UBR2: variants seen among roughly 807,000 people sequenced by gnomAD.
UBR2 encodes E3 ubiquitin-protein ligase UBR2.
Under a neutral mutation model 247.9 loss-of-function variants are expected in UBR2, and 92 were observed. That is an observed-to-expected ratio of 0.37 (90% CI 0.31 to 0.44). The LOEUF (loss-of-function observed/expected upper bound fraction) is 0.44, where lower values mean the gene tolerates loss of function less well. Ranked by LOEUF, UBR2 falls within the 20% of genes least tolerant of loss-of-function variation. The pLI is 1.00. For synonymous variants in UBR2, 672 were observed against 693.5 expected (o/e 0.97, Z 0.49); for missense variants, 1,613 against 2,112.6 (o/e 0.76, Z 4.64).
chr6:42,612,346 G>T (rs1794143149), intron 8 of UBR2, 55 bp downstream of exon 8: 2 of 1,405,740 alleles, frequency 1.4e-6, no homozygotes, highest in Non-Finnish European at 9.4e-7. Flanking sequence ...TCAATATGCT[G>T]TTGCAAAACT....
intron 13 of UBR2, 39 bp from the exon 14 acceptor site, chr6:42,635,379 T>G: frequency 6.3e-7 from 1 of 1,589,128 alleles, no homozygotes; most frequent in Non-Finnish European, 8.6e-7. Flanking sequence ...AGAACAACTA[T>G]TATTTTCATT....
chr6:42,590,960 A>G (rs1792621258), intron 2 of UBR2, among the ~76,000 whole-genome samples: 1 of 152,246 alleles, frequency 6.6e-6, no homozygotes, highest in Admixed American at 6.5e-5. Flanking sequence ...TGGAATAGAA[A>G]AGAGAATTAG....
intron 7 of UBR2, among the ~76,000 whole-genome samples, chr6:42,611,135 C>T (rs1241071536): frequency 1.4e-5 from 2 of 147,598 alleles, no homozygotes; most frequent in Non-Finnish European, 3.0e-5. Context: ...TGTGAGCTAC[C>T]GTGCCCAGCC....
chr6:42,625,939 A>T (rs933326281), intron 11 of UBR2, among the ~76,000 whole-genome samples: 1 of 150,218 alleles, frequency 6.7e-6, no homozygotes, highest in Non-Finnish European at 1.5e-5. Context: ...TCAGCCTCCC[A>T]AGTAGCTGGG....
At chr6:42,614,207 T>TAAAA (rs1794294318) in intron 8 of UBR2, among the ~76,000 whole-genome samples, 1 of 9,254 alleles carries the variant, frequency 1.1e-4, no homozygotes, top group Non-Finnish European at 2.3e-4. Flanking sequence ...AAAAAAAAAC[T>TAAAA]ATATATATAT....
At chr6:42,650,773 G>A (rs114811730) in intron 23 of UBR2, among the ~76,000 whole-genome samples, 3 of 152,084 alleles carry the variant, frequency 2.0e-5, no homozygotes, top group Non-Finnish European at 4.4e-5. Flanking sequence ...ATGTATATAC[G>A]ATCTATATAA....
intron 19 of UBR2, 24 bp downstream of exon 19, chr6:42,644,360 A>G (rs1796623537): frequency 1.2e-6 from 2 of 1,609,196 alleles, no homozygotes; most frequent in Non-Finnish European, 1.7e-6. Context: ...TTATGAAACC[A>G]CAACACATTG....
Position 42,688,327 on chromosome 6 carries a change from T to C in UBR2, c.4965T>C (p.Asp1655=). Residue 1655 remains aspartate (D), a synonymous_variant, in exon 45 of 47, where the codon GAT becomes GAC. Transcript: ENST00000372901. ...YCCQTELEGE[D]VGACTAHTYS... The stretch of plus-strand genomic sequence containing the variant: ...GCCAGACTGAACTGGAAGGGGAGGA[T>C]GTAGGAGCCTGCACAGCTCACACCT... The C allele has an allele frequency of 6.2e-7, 1 of 1,613,996 alleles. No homozygotes were observed. Among genetic ancestry groups the C allele is most frequent in the Non-Finnish European group, 8.5e-7 (1 of 1,180,032 alleles).
At chr6:42,632,434 A>G in intron 11 of UBR2, 118 bp from the exon 12 acceptor site, 2 of 845,170 alleles carry the variant, frequency 2.4e-6, no homozygotes, top group Admixed American at 3.4e-5. Flanking sequence ...TTTATGATAT[A>G]TAGTTGTGTT....
At chr6:42,662,949 C>CAAA (rs199701853) in intron 31 of UBR2, among the ~76,000 whole-genome samples, 5 of 148,754 alleles carry the variant, frequency 3.4e-5, no homozygotes, top group African/African-American at 1.2e-4. Context: ...ACAACAACAA[C>CAAA]AACAAAAAAA....
intron 22 of UBR2, among the ~76,000 whole-genome samples, chr6:42,648,913 G>A (rs1284816841): frequency 6.6e-6 from 1 of 151,938 alleles, no homozygotes; most frequent in Non-Finnish European, 1.5e-5. Flanking sequence ...TTAAATAATG[G>A]AATGTTTCCA....
At chr6:42,572,422 TGAC>T (rs1397963289) in intron 1 of UBR2, among the ~76,000 whole-genome samples, 1 of 152,020 alleles carries the variant, frequency 6.6e-6, no homozygotes, top group African/African-American at 2.4e-5. Context: ...GACCTTATGT[TGAC>T]TTCTTATGAT....
intron 42 of UBR2, among the ~76,000 whole-genome samples, chr6:42,681,888 T>TAC (rs1214405732): frequency 6.6e-6 from 1 of 152,172 alleles, no homozygotes; most frequent in Non-Finnish European, 1.5e-5. Context: ...ATGTGGTGTG[T>TAC]ACACACACAC....
rs139442765 is a variant in UBR2 at position 42,624,663 on chromosome 6, T to A, written c.1281+7156T>A. ...ATTTGGTGAGCAGAAAACTAGGGAGTAGGTGATGCTGATTGGTTGAGGAGA... is the reference window on the plus strand; with the variant it reads ...ATTTGGTGAGCAGAAAACTAGGGAGAAGGTGATGCTGATTGGTTGAGGAGA... On this transcript the variant is annotated intron_variant, in intron 11 of 46. Coordinates refer to ENST00000372901, the MANE Select transcript of UBR2 (RefSeq NM_001363705.2). Among the ~76,000 whole-genome samples the A allele has an allele frequency of 4.7e-3, 714 of 151,710 alleles. 8 individuals are homozygous for A. The highest frequency in any genetic ancestry group is 0.016 in the African/African-American group (675 of 41,332).
At chr6:42,683,225 G>A in intron 43 of UBR2, 114 bp downstream of exon 43, 1 of 758,224 alleles carries the variant, frequency 1.3e-6, no homozygotes, top group Non-Finnish European at 2.1e-6. Flanking sequence ...ATTCCAAAAG[G>A]TTAAGATATG....
intron 38 of UBR2, among the ~76,000 whole-genome samples, chr6:42,674,684 C>T (rs530518180): frequency 1.3e-5 from 2 of 152,118 alleles, no homozygotes; most frequent in East Asian, 3.9e-4. Flanking sequence ...ATCACTTGAA[C>T]CCAGGAGGCG....
chr6:42,606,836 A>C (rs1320742188), intron 7 of UBR2, among the ~76,000 whole-genome samples, 185 bp downstream of exon 7: 1 of 152,198 alleles, frequency 6.6e-6, no homozygotes, highest in East Asian at 1.9e-4. Flanking sequence ...TAGGATTGAT[A>C]TAGAAAATGA....
intron 4 of UBR2, among the ~76,000 whole-genome samples, chr6:42,597,425 G>A (rs777128804): frequency 2.6e-5 from 4 of 151,774 alleles, no homozygotes; most frequent in Admixed American, 2.0e-4. Flanking sequence ...GCAAATCCCC[G>A]TCTATACAAA....
At chr6:42,658,879 G>T (rs1487032249) in intron 29 of UBR2, 55 bp downstream of exon 29, 2 of 1,474,220 alleles carry the variant, frequency 1.4e-6, no homozygotes, top group South Asian at 1.4e-5. Flanking sequence ...CCAACTAGGG[G>T]CAGTGTTGCG....
Sources: allele counts gnomAD v4.1 joint callset (sites outside exome capture counted in the v4.1 genomes callset), GRCh38; gene constraint gnomAD v4.1.1; transcripts MANE v1.5; gene names NCBI Gene and HGNC (gene_info 2026-07-23, HGNC 2026-07-21).